CADM2: variants seen among roughly 807,000 people sequenced by gnomAD.
CADM2 encodes the protein cell adhesion molecule 2, also known as immunoglobulin superfamily member 4D.
In CADM2, 12 loss-of-function variants were observed where a neutral mutation model predicts 49.8. That is an observed-to-expected ratio of 0.24 (90% confidence interval 0.15 to 0.39). The LOEUF (loss-of-function observed/expected upper bound fraction) is 0.39, where lower values mean the gene tolerates loss of function less well. Among genes scored for constraint, CADM2 ranks in the 10% least tolerant of loss-of-function variants. The pLI, the probability that CADM2 is intolerant of heterozygous loss-of-function variation, is 1.00. For missense variants in CADM2, 378 were observed against 492.3 expected, an observed-to-expected ratio of 0.77 and a Z score of 2.20; for synonymous variants, 214 against 175.4, an observed-to-expected ratio of 1.22 and a Z score of -1.74.
intron 1 of CADM2, among the ~76,000 whole-genome samples, chr3:85,537,125 A>C (rs1271147233): frequency 6.6e-6 from 1 of 152,108 alleles, no homozygotes; most frequent in Non-Finnish European, 1.5e-5. Flanking sequence ...TAACACAATA[A>C]TTGTGTGATG....
At chr3:85,180,368 G>T (rs963610783) in intron 1 of CADM2, among the ~76,000 whole-genome samples, 1 of 151,840 alleles carries the variant, frequency 6.6e-6, no homozygotes, top group African/African-American at 2.4e-5. Flanking sequence ...AATTAGCCAG[G>T]CTTGGTGGCT....
chr3:85,385,415 C>A (rs2034165981), intron 1 of CADM2, among the ~76,000 whole-genome samples: 1 of 152,100 alleles, frequency 6.6e-6, no homozygotes, highest in African/African-American at 2.4e-5. Context: ...AGACATGGCT[C>A]ATTTGTTAAT....
At chr3:85,416,492 A>T (rs896456240) in intron 1 of CADM2, among the ~76,000 whole-genome samples, 5 of 152,202 alleles carry the variant, frequency 3.3e-5, no homozygotes, top group Admixed American at 6.5e-5. Context: ...GACTTATACA[A>T]CAGAAAAGGG....
chr3:85,660,888 G>A (rs1409733425), intron 1 of CADM2, among the ~76,000 whole-genome samples: 3 of 148,266 alleles, frequency 2.0e-5, no homozygotes, highest in East Asian at 2.0e-4. Context: ...CTAGTCCTTC[G>A]ATTATTATAA....
chr3:85,962,782 T>C (rs1724999926), intron 8 of CADM2, among the ~76,000 whole-genome samples: 1 of 151,904 alleles, frequency 6.6e-6, no homozygotes, highest in South Asian at 2.1e-4. Flanking sequence ...CAAGAAAACT[T>C]TTCTGGGACT....
chr3:85,937,303 A>G (rs766879095), intron 7 of CADM2, among the ~76,000 whole-genome samples: 2 of 151,960 alleles, frequency 1.3e-5, no homozygotes, highest in Non-Finnish European at 2.9e-5. Context: ...ATAATTTCTT[A>G]TTTATTTTAT....
intron 1 of CADM2, among the ~76,000 whole-genome samples, chr3:85,499,257 T>A (rs1576663342): frequency 6.6e-6 from 1 of 152,078 alleles, no homozygotes; most frequent in East Asian, 1.9e-4. Flanking sequence ...TCACAGGAAA[T>A]CTGAATTTTT....
At chr3:85,582,453 C>G (rs1412700279) in intron 1 of CADM2, among the ~76,000 whole-genome samples, 1 of 152,140 alleles carries the variant, frequency 6.6e-6, no homozygotes, top group Admixed American at 6.5e-5. Context: ...TGAGTACTGT[C>G]TTAGTTAGCG....
intron 1 of CADM2, among the ~76,000 whole-genome samples, chr3:85,185,576 C>A (rs2041041896): frequency 6.6e-6 from 1 of 152,038 alleles, no homozygotes; most frequent in Non-Finnish European, 1.5e-5. Context: ...CCTTTAGACA[C>A]ACCATGCCAC....
intron 1 of CADM2, among the ~76,000 whole-genome samples, chr3:85,451,664 T>C (rs1178072810): frequency 6.6e-6 from 1 of 152,120 alleles, no homozygotes; most frequent in Non-Finnish European, 1.5e-5. Flanking sequence ...AGTAATTTAT[T>C]AGTTAGTGAG....
At chr3:85,341,969 A>G (rs1385100087) in intron 1 of CADM2, among the ~76,000 whole-genome samples, 1 of 152,182 alleles carries the variant, frequency 6.6e-6, no homozygotes, top group Non-Finnish European at 1.5e-5. Flanking sequence ...CTTCATGTCT[A>G]AAGCACCAAA....
chr3:85,005,998 A>G (rs888502692), intron 1 of CADM2, among the ~76,000 whole-genome samples: 1 of 152,154 alleles, frequency 6.6e-6, no homozygotes, highest in African/African-American at 2.4e-5. Context: ...ATGCTCTCCT[A>G]CTACTATGTA....
At chr3:85,777,571 A>T (rs2070421916) in intron 2 of CADM2, among the ~76,000 whole-genome samples, 1 of 152,064 alleles carries the variant, frequency 6.6e-6, no homozygotes, top group Admixed American at 6.6e-5. Context: ...TTTTAAACTC[A>T]GGTTTTCATG....
intron 1 of CADM2, among the ~76,000 whole-genome samples, chr3:85,103,358 T>G (rs2038082616): frequency 6.6e-6 from 1 of 152,100 alleles, no homozygotes; most frequent in African/African-American, 2.4e-5. Flanking sequence ...ATTTATCCAT[T>G]CATTGATTTG....
intron 1 of CADM2, among the ~76,000 whole-genome samples, chr3:85,306,793 T>C (rs1279670461): frequency 6.6e-6 from 1 of 151,802 alleles, no homozygotes; most frequent in Non-Finnish European, 1.5e-5. Context: ...GCCTATACTT[T>C]ACACACACAA....
chr3:85,875,660 T>A (rs1012396592), intron 3 of CADM2, among the ~76,000 whole-genome samples: 1 of 152,126 alleles, frequency 6.6e-6, no homozygotes, highest in South Asian at 2.1e-4. Flanking sequence ...GGCTAGCAGA[T>A]TGCATGAGTC....
chr3:85,724,828 A>G (rs959335100), intron 1 of CADM2, among the ~76,000 whole-genome samples: 2 of 151,910 alleles, frequency 1.3e-5, no homozygotes, highest in Admixed American at 1.3e-4. Context: ...ATATATATCA[A>G]TTTTGTACTT....
chr3:84,984,920 T>C (rs2326121), intron 1 of CADM2, among the ~76,000 whole-genome samples: 12,174 of 152,184 alleles, frequency 0.08, 693 homozygotes, highest in Admixed American at 0.19. Context: ...AAACAAGCCA[T>C]ATTTGGTACC....
chr3:85,148,219 C>G (rs1469466563), intron 1 of CADM2, among the ~76,000 whole-genome samples: 1 of 152,118 alleles, frequency 6.6e-6, no homozygotes, highest in East Asian at 1.9e-4. Flanking sequence ...TGAGCCCTCT[C>G]CAAATCCAAA....
Sources: allele counts gnomAD v4.1 joint callset (sites outside exome capture counted in the v4.1 genomes callset), GRCh38; gene constraint gnomAD v4.1.1; transcripts MANE v1.5; gene names NCBI Gene and HGNC (gene_info 2026-07-23, HGNC 2026-07-21).